LRRC66: variants seen among roughly 807,000 people sequenced by gnomAD.
The protein encoded by LRRC66 is leucine rich repeat containing 66, also known as leucine-rich repeat-containing protein 66.
In LRRC66, 29 loss-of-function variants were observed where a neutral mutation model predicts 24.6. The ratio of observed to expected loss-of-function variants is 1.18; its 90% CI spans 0.88 to 1.61. The LOEUF is 1.61. Among genes scored for constraint, LRRC66 ranks in the 40% most tolerant of loss-of-function variants. The pLI is 0.00. For missense variants in LRRC66, 1,124 were observed against 1,058.0 expected (o/e 1.06, Z -0.87); for synonymous variants, 411 against 397.6 (o/e 1.03, Z -0.40).
Position 52,014,846 on chromosome 4 carries a change from A to C in LRRC66, c.496+2272T>G, listed in dbSNP as rs920291180. Among the ~76,000 whole-genome samples the C allele has an allele frequency of 6.6e-5, 10 of 152,276 alleles. No homozygotes were observed. In the South Asian group the frequency reaches 8.3e-4, roughly 13 times the overall value. On this transcript the variant is annotated intron_variant, in intron 2 of 4. Coordinates refer to ENST00000682860, the MANE Select transcript of LRRC66 (RefSeq NM_001024611.3). ...TCTATCTCTTTTCATTCATCTCTCT[A>C]TGTCTTCATTTGCTAGAATTTTAAT...
At chr4:52,012,875 A>G (rs987130452) in intron 2 of LRRC66, among the ~76,000 whole-genome samples, 1 of 152,236 alleles carries the variant, frequency 6.6e-6, no homozygotes, top group Non-Finnish European at 1.5e-5. Flanking sequence ...GGCCACAGAA[A>G]GGATACTCAG....
intron 2 of LRRC66, among the ~76,000 whole-genome samples, chr4:52,006,804 T>G (rs536514946): frequency 6.6e-6 from 1 of 151,800 alleles, no homozygotes; most frequent in Non-Finnish European, 1.5e-5. Flanking sequence ...TTGTGTACTC[T>G]TTATGCTCTA....
rs368661477 is a variant in LRRC66 at position 51,995,239 on chromosome 4, C to T, written c.1783G>A (p.Ala595Thr). 2 of 1,614,090 alleles carry T rather than the reference C, an allele frequency of 1.2e-6. No homozygotes were observed. Among genetic ancestry groups the T allele is most frequent in the African/African-American group, 2.7e-5 (2 of 74,938 alleles). ...TASLCKMLTH[A>T]EAQRTGDSKE... ...CTATCTCCAGTCCTCTGTGCTTCTG[C>T]ATGTGTTAGCATTTTACAGAGGGAA... Residue 595 changes from alanine (A) to threonine (T), a missense_variant, in exon 5 of 5, where the codon GCA becomes ACA. Transcript: ENST00000682860.
chr4:51,999,270 G>A (rs1736395308), intron 3 of LRRC66, among the ~76,000 whole-genome samples: 1 of 152,210 alleles, frequency 6.6e-6, no homozygotes, highest in Non-Finnish European at 1.5e-5. Context: ...TTGCTTTATA[G>A]ACACCCGTGA....
rs1736845509 is a variant in LRRC66 at position 52,017,494 on chromosome 4, T to C, written c.120A>G (p.Glu40=). 1 of 1,613,934 alleles carries C rather than the reference T, an allele frequency of 6.2e-7. No homozygotes were observed. Among genetic ancestry groups the C allele is most frequent in the South Asian group, 1.1e-5 (1 of 91,076 alleles). The change falls in exon 2 of 5, where the codon GAA becomes GAG. Residue 40 remains glutamate, a synonymous_variant. Coordinates refer to ENST00000682860, the MANE Select transcript of LRRC66 (RefSeq NM_001024611.3). ...ILFNSECQWN[E]YILTNCSFTG... ...TAAAAGAACAATTTGTCAGAATATA[T>C]TCATTCCATTGGCATTCAGAATTGA... is the stretch of plus-strand genomic sequence containing the variant.
At chr4:52,007,935 CAACT>C (rs1203021623) in intron 2 of LRRC66, among the ~76,000 whole-genome samples, 2 of 152,088 alleles carry the variant, frequency 1.3e-5, no homozygotes, top group Non-Finnish European at 2.9e-5. Flanking sequence ...TGAGGAATAA[CAACT>C]AACTATGTTA....
intron 3 of LRRC66, among the ~76,000 whole-genome samples, chr4:52,000,596 T>C (rs1015737326): frequency 6.6e-6 from 1 of 152,236 alleles, no homozygotes; most frequent in Non-Finnish European, 1.5e-5. Context: ...TAGCAGACTT[T>C]CTTCCTCGAT....
At chr4:52,001,631 A>T (rs1736449191) in intron 3 of LRRC66, among the ~76,000 whole-genome samples, 1 of 152,262 alleles carries the variant, frequency 6.6e-6, no homozygotes, top group Admixed American at 6.5e-5. Flanking sequence ...TTTTCAGAAG[A>T]GAAAAGTGAG....
At position 51,995,039 on chromosome 4, in the gene LRRC66, T is replaced by C; in HGVS notation, c.1983A>G (p.Pro661=). The C allele has an allele frequency of 6.2e-7, 1 of 1,614,150 alleles. No individual in the cohort carries two copies. Among genetic ancestry groups the C allele is most frequent in the Non-Finnish European group, 8.5e-7 (1 of 1,180,032 alleles). Residue 661 remains proline (P), a synonymous_variant, in exon 5 of 5, where the codon CCA becomes CCG. Coordinates refer to ENST00000682860, the MANE Select transcript of LRRC66 (RefSeq NM_001024611.3). ...AHYSEVPYGD[P]RDTGPSVFPP... ...GAAAGACTGATGGGCCTGTGTCTCT[T>C]GGGTCACCGTATGGAACCTCGCTGT... is the stretch of plus-strand genomic sequence containing the variant.
Position 51,995,102 on chromosome 4 carries a change from C to G in LRRC66, c.1920G>C (p.Leu640=), listed in dbSNP as rs1455087452. The part of the protein sequence containing the change: ...IDLLSIQQPR[L]SGARAEEALS... ...GCGCTTCCTCAGCCCTTGCCCCGGA[C>G]AGCCTTGGCTGCTGTATGCTCAGCA... is the stretch of plus-strand genomic sequence containing the variant. Residue 640 remains leucine, a synonymous_variant, in exon 5 of 5, where the codon CTG becomes CTC. Transcript: ENST00000682860. 1 of 1,614,244 alleles carries G rather than the reference C, an allele frequency of 6.2e-7. No individual in the cohort carries two copies. Among genetic ancestry groups the G allele is most frequent in the East Asian group, 2.2e-5 (1 of 44,878 alleles).
In LRRC66 at chr4:51,994,501, G is replaced by A. The variant is rs1736242623; in HGVS notation, c.2521C>T (p.Leu841Phe). 1.2e-6 allele frequency: 2 copies of A among 1,614,174 alleles called. No individual in the cohort carries two copies. The highest frequency in any genetic ancestry group is 1.7e-6 in the Non-Finnish European group (2 of 1,180,012). Residue 841 changes from leucine to phenylalanine, a missense_variant, in exon 5 of 5, where the codon CTT (leucine) becomes TTT (phenylalanine). By Grantham distance (22) the Leu-to-Phe change is conservative. Transcript: ENST00000682860. ...QSKAAEWHCS[L>F]RDLEFSNVDV... ...ACATTTGAAAATTCTAAGTCTCTAA[G>A]TGAGCAATGCCATTCTGCTGCCTTG...
intron 3 of LRRC66, among the ~76,000 whole-genome samples, chr4:51,998,290 T>C (rs1736370586): frequency 6.6e-6 from 1 of 152,240 alleles, no homozygotes; most frequent in Admixed American, 6.5e-5. Context: ...ACTCATGTTA[T>C]CAAGGTCTAG....
chr4:52,014,555 A>G (rs1293668133), intron 2 of LRRC66, among the ~76,000 whole-genome samples: 1 of 152,188 alleles, frequency 6.6e-6, no homozygotes, highest in Non-Finnish European at 1.5e-5. Flanking sequence ...TGAAGAATTG[A>G]AGAACAAAGA....
At chr4:52,009,646 C>T (rs1012937518) in intron 2 of LRRC66, among the ~76,000 whole-genome samples, 9 of 152,014 alleles carry the variant, frequency 5.9e-5, no homozygotes, top group African/African-American at 2.2e-4. Context: ...ACTCAAAAAG[C>T]AATAGATAAT....
At chr4:52,004,199 G>A (rs1736522850) in intron 2 of LRRC66, among the ~76,000 whole-genome samples, 1 of 152,064 alleles carries the variant, frequency 6.6e-6, no homozygotes, top group South Asian at 2.1e-4. Flanking sequence ...AGTAGAGACG[G>A]GGTTTCACCA....
chr4:51,995,174 C>T lies in LRRC66; in HGVS notation c.1848G>A (p.Ser616=), dbSNP rs758200364. 5.2e-5 allele frequency: 84 copies of T among 1,614,108 alleles called. No individual in the cohort carries two copies. The highest frequency in any genetic ancestry group is 6.9e-5 in the Non-Finnish European group (81 of 1,180,042). The change falls in exon 5 of 5, where the codon TCG becomes TCA. Residue 616 remains serine (S), a synonymous_variant. Transcript: ENST00000682860. The part of the protein sequence containing the change: ...RGGTEQSLWD[S]QMEFSKERQV... ...GCCTTTCCTTAGAAAATTCCATCTG[C>T]GAGTCCCAAAGTGACTGTTCAGTGC...
chr4:52,018,149 C>A (rs969395334), intron 1 of LRRC66: 2 of 985,198 alleles, frequency 2.0e-6, no homozygotes, highest in Admixed American at 6.1e-5. Context: ...AGAAGAAATA[C>A]AAGTTTTGCT....
chr4:51,997,662 AC>A, intron 4 of LRRC66, 85 bp downstream of exon 4: 1 of 1,234,528 alleles, frequency 8.1e-7, no homozygotes, highest in South Asian at 1.4e-5. Context: ...TTTCATGGGG[AC>A]TGTCATTATT....
intron 1 of LRRC66, chr4:52,017,873 T>TA (rs1736857172): frequency 1.0e-6 from 1 of 985,310 alleles, no homozygotes; most frequent in South Asian, 4.7e-5. Context: ...CATATTCAGT[T>TA]AGGCCTCACC....
Sources: allele counts gnomAD v4.1 joint callset (sites outside exome capture counted in the v4.1 genomes callset), GRCh38; gene constraint gnomAD v4.1.1; transcripts MANE v1.5; gene names NCBI Gene and HGNC (gene_info 2026-07-23, HGNC 2026-07-21).